Variants in MBD5 observed in about 807,000 individuals in gnomAD.
MBD5 encodes methyl-CpG-binding domain protein 5.
Under a neutral mutation model 117.3 loss-of-function variants are expected in MBD5, and 13 were observed. That is an observed-to-expected ratio of 0.11 (90% CI 0.07 to 0.18). MBD5 has a LOEUF of 0.18. MBD5 is among the 10% of genes least tolerant of loss of function. MBD5 has a pLI of 1.00. For synonymous variants in MBD5, 727 were observed against 766.4 expected (o/e 0.95, Z 0.85); for missense variants, 1,879 against 2,093.8 (o/e 0.90, Z 2.00).
At chr2:148,180,435 C>T (rs1698504087) in intron 2 of MBD5, among the ~76,000 whole-genome samples, 1 of 148,550 alleles carries the variant, frequency 6.7e-6, no homozygotes, top group Admixed American at 6.8e-5. Flanking sequence ...CTCCTGGGCT[C>T]CAGCAATCCT....
chr2:148,026,313 T>A (rs1396549034), intron 1 of MBD5: 9 of 152,192 alleles, frequency 5.9e-5, no homozygotes. Context: ...GGTAAAATTA[T>A]GGCCCTGATA....
chr2:148,289,160 T>C (rs1262596389), intron 3 of MBD5, among the ~76,000 whole-genome samples: 1 of 152,210 alleles, frequency 6.6e-6, no homozygotes, highest in African/African-American at 2.4e-5. Context: ...TTTTTTTATT[T>C]GACTCAAGCT....
intron 1 of MBD5, among the ~76,000 whole-genome samples, chr2:148,046,618 A>G (rs947191523): frequency 6.6e-6 from 1 of 152,104 alleles, no homozygotes; most frequent in Non-Finnish European, 1.5e-5. Flanking sequence ...ACCAAATCGT[A>G]TAGAATTGTT....
chr2:148,507,226 T>C, intron 12 of MBD5, among the ~76,000 whole-genome samples: 1 of 152,234 alleles, frequency 6.6e-6, no homozygotes, highest in Non-Finnish European at 1.5e-5. Context: ...TAATGCTGAA[T>C]CGTTTTTGTG....
chr2:148,376,429 G>T (rs1468297169), intron 4 of MBD5, among the ~76,000 whole-genome samples: 2 of 150,492 alleles, frequency 1.3e-5, no homozygotes, highest in Admixed American at 1.3e-4. Flanking sequence ...CACAACGCCC[G>T]GCTAATTTTT....
At chr2:148,356,837 A>G (rs1426444730) in intron 4 of MBD5, among the ~76,000 whole-genome samples, 1 of 149,144 alleles carries the variant, frequency 6.7e-6, no homozygotes, top group African/African-American at 2.5e-5. Context: ...TCATCCTGAG[A>G]CTCCCCTTTC....
At chr2:148,451,430 A>G (rs1436371856) in intron 4 of MBD5, among the ~76,000 whole-genome samples, 1 of 152,302 alleles carries the variant, frequency 6.6e-6, no homozygotes, top group Admixed American at 6.5e-5. Context: ...AAGGTGAAAC[A>G]GATGGGGGGA....
intron 1 of MBD5, among the ~76,000 whole-genome samples, chr2:148,161,835 T>G (rs1454638729): frequency 6.6e-6 from 1 of 152,240 alleles, no homozygotes; most frequent in Non-Finnish European, 1.5e-5. Context: ...ACAAACTACA[T>G]TACTGTAACA....
At chr2:148,344,158 G>A (rs1031808968) in intron 4 of MBD5, among the ~76,000 whole-genome samples, 2 of 151,958 alleles carry the variant, frequency 1.3e-5, no homozygotes, top group African/African-American at 4.8e-5. Context: ...TCTTTATTCT[G>A]TTCCATTGAT....
chr2:148,151,864 C>G (rs1276545001), intron 1 of MBD5, among the ~76,000 whole-genome samples: 2 of 151,968 alleles, frequency 1.3e-5, no homozygotes, highest in East Asian at 3.9e-4. Context: ...AGCGGTCTAT[C>G]AATTTTGTTG....
chr2:148,280,279 G>A (rs1196755423), intron 3 of MBD5, among the ~76,000 whole-genome samples: 1 of 151,950 alleles, frequency 6.6e-6, no homozygotes, highest in East Asian at 1.9e-4. Flanking sequence ...CATTTTATCT[G>A]CTGCCTTTCT....
intron 4 of MBD5, among the ~76,000 whole-genome samples, chr2:148,388,157 A>C (rs1287085570): frequency 6.6e-6 from 1 of 152,194 alleles, no homozygotes; most frequent in African/African-American, 2.4e-5. Context: ...TTGTTTTGTG[A>C]TTACCTAAAT....
chr2:148,318,004 A>G (rs1702194425), intron 3 of MBD5, among the ~76,000 whole-genome samples: 1 of 152,172 alleles, frequency 6.6e-6, no homozygotes, highest in African/African-American at 2.4e-5. Flanking sequence ...TTGTAGTTCT[A>G]TTCTTAGTTC....
At chr2:148,416,333 C>A (rs1705416533) in intron 4 of MBD5, among the ~76,000 whole-genome samples, 2 of 152,234 alleles carry the variant, frequency 1.3e-5, no homozygotes, top group Middle Eastern at 3.4e-3. Context: ...CCTGCTGCAC[C>A]AGAAGGGCCA....
intron 5 of MBD5, among the ~76,000 whole-genome samples, chr2:148,461,604 G>C (rs1163014536): frequency 6.6e-6 from 1 of 152,102 alleles, no homozygotes; most frequent in Admixed American, 6.6e-5. Context: ...GAAGGTTTTG[G>C]TAAATAGTCA....
chr2:148,384,907 A>G (rs1430696674), intron 4 of MBD5, among the ~76,000 whole-genome samples: 3 of 152,060 alleles, frequency 2.0e-5, no homozygotes, highest in Non-Finnish European at 2.9e-5. Context: ...CTGGCTAGCC[A>G]TATGTAGAAA....
At chr2:148,428,599 A>G (rs558621599) in intron 4 of MBD5, among the ~76,000 whole-genome samples, 1 of 152,320 alleles carries the variant, frequency 6.6e-6, no homozygotes, top group African/African-American at 2.4e-5. Context: ...AAACTATACT[A>G]CAAGGCTACA....
At chr2:148,327,376 G>A (rs1463690305) in intron 3 of MBD5, among the ~76,000 whole-genome samples, 1 of 152,072 alleles carries the variant, frequency 6.6e-6, no homozygotes. Flanking sequence ...GAATCTGAAT[G>A]TTGGCCTGCC....
chr2:148,289,707 T>C (rs1298528172), intron 3 of MBD5, among the ~76,000 whole-genome samples: 1 of 152,180 alleles, frequency 6.6e-6, no homozygotes. Context: ...CAAATTACAA[T>C]GCAATAATGT....
Sources: allele counts gnomAD v4.1 joint callset (sites outside exome capture counted in the v4.1 genomes callset), GRCh38; gene constraint gnomAD v4.1.1; transcripts MANE v1.5; gene names NCBI Gene and HGNC (gene_info 2026-07-23, HGNC 2026-07-21).